DLC1: variants seen among roughly 807,000 people sequenced by gnomAD.
DLC1 encodes the protein DLC1 Rho GTPase activating protein.
DLC1 carries 54 observed loss-of-function variants against 140.3 expected under a neutral mutation model. That is an observed-to-expected ratio of 0.38 (90% CI 0.31 to 0.48). The LOEUF is 0.48. DLC1 is among the 20% of genes least tolerant of loss of function. DLC1 has a pLI of 0.96. For missense variants in DLC1, 2,536 were observed against 1,907.0 expected, an observed-to-expected ratio of 1.33 and a Z score of -6.14; for synonymous variants, 986 against 728.1, an observed-to-expected ratio of 1.35 and a Z score of -5.70.
chr8:13,295,104 T>C (rs1831898033), intron 5 of DLC1, among the ~76,000 whole-genome samples: 1 of 152,172 alleles, frequency 6.6e-6, no homozygotes, highest in Admixed American at 6.5e-5. Context: ...TTGAGATAAA[T>C]ATATCCAAGA....
At chr8:13,277,926 A>G (rs1831232482) in intron 5 of DLC1, among the ~76,000 whole-genome samples, 1 of 152,250 alleles carries the variant, frequency 6.6e-6, no homozygotes. Context: ...TCTAATTTCT[A>G]CAACACGCAT....
At chr8:13,390,594 A>G (rs1171997933) in intron 4 of DLC1, among the ~76,000 whole-genome samples, 1 of 152,212 alleles carries the variant, frequency 6.6e-6, no homozygotes, top group Non-Finnish European at 1.5e-5. Context: ...TTCCCACCTT[A>G]AACCTAGATG....
chr8:13,178,390 G>A (rs544946328), intron 5 of DLC1, among the ~76,000 whole-genome samples: 42 of 152,002 alleles, frequency 2.8e-4, no homozygotes, highest in Admixed American at 1.8e-3. Context: ...CTGAAACTCC[G>A]TCTCTACTAA....
chr8:13,474,742 G>A (rs1800366939), intron 2 of DLC1, among the ~76,000 whole-genome samples: 1 of 152,212 alleles, frequency 6.6e-6, no homozygotes, highest in South Asian at 2.1e-4. Context: ...GTTTTAAGAT[G>A]TGACTGCTCC....
At chr8:13,273,546 T>C (rs1831036823) in intron 5 of DLC1, among the ~76,000 whole-genome samples, 1 of 152,148 alleles carries the variant, frequency 6.6e-6, no homozygotes, top group Non-Finnish European at 1.5e-5. Flanking sequence ...TGGCAACAAT[T>C]CTGTATATTG....
chr8:13,522,159 G>A (rs796786170), intron 1 of DLC1, among the ~76,000 whole-genome samples: 10 of 152,266 alleles, frequency 6.6e-5, no homozygotes, highest in African/African-American at 2.4e-4. Flanking sequence ...GCGCAGTGGG[G>A]TATGGCATCA....
intron 4 of DLC1, among the ~76,000 whole-genome samples, chr8:13,349,410 C>T (rs59579739): frequency 0.022 from 3,310 of 152,062 alleles, 122 homozygotes; most frequent in African/African-American, 0.075. Flanking sequence ...AAGAAAAAAA[C>T]GGAATACATA....
intron 1 of DLC1, among the ~76,000 whole-genome samples, chr8:13,537,343 T>G (rs1274425349): frequency 6.6e-6 from 1 of 152,254 alleles, no homozygotes; most frequent in Non-Finnish European, 1.5e-5. Flanking sequence ...TTGCTAGACT[T>G]AATCATTCTA....
intron 1 of DLC1, among the ~76,000 whole-genome samples, chr8:13,548,197 G>C (rs1563433560): frequency 2.0e-5 from 3 of 151,940 alleles, no homozygotes; most frequent in Admixed American, 6.6e-5. Context: ...CCTATTGTTA[G>C]TTCTTCAAGT....
At chr8:13,292,532 C>G (rs547805728) in intron 5 of DLC1, among the ~76,000 whole-genome samples, 2 of 152,294 alleles carry the variant, frequency 1.3e-5, no homozygotes, top group East Asian at 3.9e-4. Flanking sequence ...TAATGTCCCC[C>G]TTTGGGTAAC....
chr8:13,511,310 C>T (rs1802352863), intron 1 of DLC1, among the ~76,000 whole-genome samples: 1 of 90,302 alleles, frequency 1.1e-5, no homozygotes, highest in Non-Finnish European at 2.2e-5. Context: ...ATGCTGTTTA[C>T]ATTATCTTTC....
intron 5 of DLC1, among the ~76,000 whole-genome samples, chr8:13,222,392 C>T (rs1037616595): frequency 4.8e-4 from 73 of 152,228 alleles, no homozygotes; most frequent in African/African-American, 1.4e-3. Context: ...CATTCCATGT[C>T]AGTATTTCAT....
intron 1 of DLC1, among the ~76,000 whole-genome samples, chr8:13,541,768 C>G (rs1287121384): frequency 6.6e-6 from 1 of 152,154 alleles, no homozygotes; most frequent in African/African-American, 2.4e-5. Context: ...CCAGGATGAT[C>G]TCGATCTCCT....
intron 5 of DLC1, among the ~76,000 whole-genome samples, chr8:13,297,282 T>TAAAAAAAAAAAAAAAAAAAACAAAAAAA (rs60048506): frequency 2.1e-4 from 2 of 9,634 alleles, no homozygotes; most frequent in African/African-American, 7.2e-4. Context: ...CTTCATACAT[T>TAAAAAAAAAAAAAAAAAAAACAAAAAAA]AAAAAAAAAA....
intron 1 of DLC1, chr8:13,567,329 G>C (rs772088115): frequency 1.3e-6 from 2 of 1,551,590 alleles, no homozygotes; most frequent in Non-Finnish European, 1.7e-6. Context: ...GAAATCACTC[G>C]GGTATCAGAT....
At position 13,085,847 on chromosome 8, in the gene DLC1, G is replaced by T. The variant is rs754191945; in HGVS notation, c.4551C>A (p.Asn1517Lys). The change falls in exon 18 of 18, where the codon AAC becomes AAA. Residue 1517 changes from asparagine (N) to lysine (K), a missense_variant. By Grantham distance (94) the Asn-to-Lys change is moderately conservative (BLOSUM62 0). Transcript: ENST00000276297. ...TGGTGTCTTTGGTTTCAGTGTTCTGGTTACTGAAGGAATCCCGGATCTTTA... is the reference window on the plus strand; with the variant it reads ...TGGTGTCTTTGGTTTCAGTGTTCTGTTTACTGAAGGAATCCCGGATCTTTA... ...EVVKIRDSFS[N>K]QNTETKDTKS... is the part of the protein sequence containing the mutation. The T allele has an allele frequency of 1.2e-6, 2 of 1,614,136 alleles. No homozygotes were observed. The highest frequency in any genetic ancestry group is 1.7e-6 in the Non-Finnish European group (2 of 1,180,024).
At chr8:13,548,583 G>T (rs921440813) in intron 1 of DLC1, among the ~76,000 whole-genome samples, 1 of 152,114 alleles carries the variant, frequency 6.6e-6, no homozygotes, top group Admixed American at 6.6e-5. Context: ...TTGCCACTAC[G>T]TTGTTAAGAG....
At chr8:13,275,903 C>A (rs1050376011) in intron 5 of DLC1, among the ~76,000 whole-genome samples, 2 of 152,158 alleles carry the variant, frequency 1.3e-5, no homozygotes, top group African/African-American at 4.8e-5. Context: ...GAGACAGCCC[C>A]GAGGATCTCA....
Position 13,503,390 on chromosome 8 carries a change from C to CA in DLC1, c.-125-3195dup, listed in dbSNP as rs772753226. ...CTGCACTCTTGCCTGGGTGATAGAGCAAAAAAAAATAATAATAAATTAAAC... is the reference window on the plus strand; with the variant it reads ...CTGCACTCTTGCCTGGGTGATAGAGCAAAAAAAAAATAATAATAAATTAAAC... On this transcript the variant is annotated intron_variant, in intron 1 of 17. Coordinates refer to ENST00000276297, the MANE Select transcript of DLC1 (RefSeq NM_182643.3). Among the ~76,000 whole-genome samples the CA allele has an allele frequency of 2.1e-3, 318 of 149,032 alleles. 4 individuals are homozygous for CA. The highest frequency in any genetic ancestry group is 0.013 in the Admixed American group (198 of 15,070).
Sources: gnomAD v4.1 joint callset for allele counts (sites outside exome capture counted in the v4.1 genomes callset) on GRCh38, gnomAD v4.1.1 for gene constraint, MANE v1.5 for transcripts, NCBI Gene and HGNC (gene_info 2026-07-23, HGNC 2026-07-21) for gene names.